VCL: variants seen among roughly 807,000 people sequenced by gnomAD.
The protein encoded by VCL is vinculin.
Under a neutral mutation model 125.7 loss-of-function variants are expected in VCL, and 47 were observed. The observed-to-expected ratio is 0.37, with a 90% CI of 0.30 to 0.48. VCL has a LOEUF of 0.48. VCL is among the 20% of genes least tolerant of loss of function. The pLI is 0.99. For missense variants in VCL, 1,069 were observed against 1,455.5 expected (o/e 0.73, Z 4.32); for synonymous variants, 458 against 514.6 (o/e 0.89, Z 1.49).
At chr10:74,080,150 T>A (rs1395652798) in intron 6 of VCL, among the ~76,000 whole-genome samples, 1 of 152,160 alleles carries the variant, frequency 6.6e-6, no homozygotes, top group Non-Finnish European at 1.5e-5. Flanking sequence ...TTTTTGGGCA[T>A]TGGAGAATAA....
At chr10:74,093,728 T>G (rs1839925012) in intron 10 of VCL, among the ~76,000 whole-genome samples, 1 of 152,106 alleles carries the variant, frequency 6.6e-6, no homozygotes, top group African/African-American at 2.4e-5. Flanking sequence ...CAGTGAGCCC[T>G]GGGAGGTCAA....
chr10:74,104,913 T>G, intron 15 of VCL, 138 bp from the exon 16 acceptor site: 1 of 967,366 alleles, frequency 1.0e-6, no homozygotes, highest in Non-Finnish European at 1.5e-6. Flanking sequence ...AAGCTTTTGA[T>G]TATGTAGGAA....
At chr10:74,106,638 C>T (rs547675461) in intron 16 of VCL, among the ~76,000 whole-genome samples, 2 of 152,346 alleles carry the variant, frequency 1.3e-5, no homozygotes, top group African/African-American at 4.8e-5. Context: ...CTCCCCTATT[C>T]ATCTCTGGTT....
At chr10:74,078,889 G>A (rs564919325) in intron 6 of VCL, among the ~76,000 whole-genome samples, 1 of 152,274 alleles carries the variant, frequency 6.6e-6, no homozygotes, top group East Asian at 1.9e-4. Flanking sequence ...TGGGAAGACA[G>A]GTGTTGGTGG....
chr10:74,063,290 G>A (rs1268054484), intron 2 of VCL, among the ~76,000 whole-genome samples: 1 of 152,186 alleles, frequency 6.6e-6, no homozygotes, highest in Non-Finnish European at 1.5e-5. Context: ...CTGGATGAGA[G>A]TTTCCTCTTA....
At chr10:74,083,286 G>A in intron 7 of VCL, 80 bp from the exon 8 acceptor site, 3 of 1,577,290 alleles carry the variant, frequency 1.9e-6, no homozygotes, top group South Asian at 1.1e-5. Context: ...ATTCCTTGGT[G>A]AATGAAATGA....
intron 15 of VCL, 33 bp from the exon 16 acceptor site, chr10:74,105,018 T>C: frequency 6.2e-7 from 1 of 1,611,950 alleles, no homozygotes; most frequent in South Asian, 1.1e-5. Flanking sequence ...TCTTCTAAAT[T>C]GAAACTAAAT....
At chr10:74,036,392 A>G (rs1053197507) in intron 1 of VCL, among the ~76,000 whole-genome samples, 31 of 152,030 alleles carry the variant, frequency 2.0e-4, no homozygotes, top group African/African-American at 5.6e-4. Flanking sequence ...TAGTAGAGAC[A>G]GGGTTTCACC....
chr10:74,066,698 A>G (rs185237851), intron 2 of VCL, among the ~76,000 whole-genome samples: 1 of 147,722 alleles, frequency 6.8e-6, no homozygotes, highest in East Asian at 2.0e-4. Context: ...TTGAGACTAA[A>G]TCTCACTCTA....
intron 2 of VCL, among the ~76,000 whole-genome samples, chr10:74,067,076 A>T (rs1841581337): frequency 6.6e-6 from 1 of 152,210 alleles, no homozygotes; most frequent in Non-Finnish European, 1.5e-5. Flanking sequence ...GAAAATCCTC[A>T]ACCTCAATGG....
intron 2 of VCL, among the ~76,000 whole-genome samples, chr10:74,048,654 C>T (rs981218882): frequency 6.6e-6 from 1 of 152,052 alleles, no homozygotes; most frequent in Admixed American, 6.6e-5. Context: ...AGACATGCTC[C>T]TTGGTTAATT....
At chr10:74,040,615 G>A (rs1300055343) in intron 1 of VCL, among the ~76,000 whole-genome samples, 3 of 152,116 alleles carry the variant, frequency 2.0e-5, no homozygotes, top group African/African-American at 7.2e-5. Flanking sequence ...CAATACATCT[G>A]GAAATATTCT....
rs1212289271 is a variant in VCL at position 74,097,183 on chromosome 10, T to C, written c.1744-21T>C. On this transcript the variant is annotated intron_variant, in intron 12 of 21. Transcript: ENST00000211998. The surrounding 1 kb of genome is among the most constrained non-coding windows in gnomAD (Gnocchi z 4.1). Reference sequence around the variant, plus strand: ...TTGAGGATGTATCTGGACATTTTCATATGTAAACAATGTTTTTAAGGATCT... The same window carrying C: ...TTGAGGATGTATCTGGACATTTTCACATGTAAACAATGTTTTTAAGGATCT... 6.2e-7 allele frequency: 1 copy of C among 1,612,510 alleles called. No homozygotes were observed. The highest frequency in any genetic ancestry group is 8.5e-7 in the Non-Finnish European group (1 of 1,179,264).
chr10:74,076,417 T>C (rs1156619172), intron 6 of VCL: 2 of 152,658 alleles, frequency 1.3e-5, no homozygotes, highest in African/African-American at 4.8e-5. Flanking sequence ...GCCTGGTCTT[T>C]CCCATTGACT....
intron 1 of VCL, among the ~76,000 whole-genome samples, chr10:74,037,020 C>T (rs1366738943): frequency 6.6e-6 from 1 of 151,924 alleles, no homozygotes; most frequent in Non-Finnish European, 1.5e-5. Context: ...GCGCCATTCT[C>T]CTGCCTCAGC....
In VCL at chr10:73,998,140, G is replaced by A. The variant is rs887160032; in HGVS notation, c.-68G>A. The A allele has an allele frequency of 6.3e-6, 10 of 1,575,794 alleles. 1 individual carries two copies. Among genetic ancestry groups the A allele is most frequent in the South Asian group, 5.7e-5 (5 of 87,230 alleles). On this transcript the variant is annotated 5_prime_UTR_variant, in exon 1 of 22. Transcript: ENST00000211998. The stretch of plus-strand genomic sequence containing the variant: ...TAGTCGCTGCACAGTCTGTCTCTTC[G>A]CCGGTTCCCGGCCCCGTGGATCCTA...
intron 2 of VCL, among the ~76,000 whole-genome samples, chr10:74,045,762 G>C (rs1841188479): frequency 6.6e-6 from 1 of 152,134 alleles, no homozygotes; most frequent in Admixed American, 6.6e-5. Flanking sequence ...CTGGGAGGGA[G>C]GAAGAGGTCT....
At chr10:74,015,941 T>C (rs1840529152) in intron 1 of VCL, among the ~76,000 whole-genome samples, 1 of 152,164 alleles carries the variant, frequency 6.6e-6, no homozygotes, top group Admixed American at 6.5e-5. Context: ...CACCTCAGCT[T>C]CCCAATGTGT....
chr10:74,082,932 G>C (rs1839701251), intron 7 of VCL, among the ~76,000 whole-genome samples: 1 of 152,228 alleles, frequency 6.6e-6, no homozygotes. Flanking sequence ...ATGCCAATGA[G>C]AATTGGAAAG....
Sources: allele counts gnomAD v4.1 joint callset (sites outside exome capture counted in the v4.1 genomes callset), GRCh38; gene constraint gnomAD v4.1.1; non-coding constraint Gnocchi (gnomAD v3.1); transcripts MANE v1.5; gene names NCBI Gene and HGNC (gene_info 2026-07-23, HGNC 2026-07-21).